Variants in ADCY2 observed in about 807,000 individuals in gnomAD.
ADCY2 encodes adenylate cyclase 2.
ADCY2 carries 31 observed loss-of-function variants against 125.2 expected under a neutral mutation model. The ratio of observed to expected loss-of-function variants is 0.25; its 90% CI spans 0.19 to 0.33. The LOEUF (loss-of-function observed/expected upper bound fraction) is 0.33, where lower values mean the gene tolerates loss of function less well. Among genes scored for constraint, ADCY2 ranks in the 10% least tolerant of loss-of-function variants. The probability of loss-of-function intolerance (pLI) is 1.00; values close to 1 mark genes in which losing one functional copy is unlikely to be tolerated. For synonymous variants in ADCY2, 512 were observed against 548.4 expected, an observed-to-expected ratio of 0.93 and a Z score of 0.93; for missense variants, 904 against 1,418.2, an observed-to-expected ratio of 0.64 and a Z score of 5.82.
chr5:7,573,723 T>G (rs1283327435), intron 3 of ADCY2, among the ~76,000 whole-genome samples: 2 of 151,436 alleles, frequency 1.3e-5, no homozygotes, highest in Non-Finnish European at 2.9e-5. Context: ...TGCAGTTGCC[T>G]TTTAAACTCT....
At chr5:7,663,577 G>T (rs1739611426) in intron 4 of ADCY2, among the ~76,000 whole-genome samples, 1 of 152,226 alleles carries the variant, frequency 6.6e-6, no homozygotes, top group East Asian at 1.9e-4. Flanking sequence ...AATTAAGGGT[G>T]TTTATTCCAG....
intron 3 of ADCY2, among the ~76,000 whole-genome samples, chr5:7,534,627 C>G (rs1323779223): frequency 1.3e-5 from 2 of 152,200 alleles, no homozygotes; most frequent in Non-Finnish European, 2.9e-5. Flanking sequence ...AGGTTTGAGT[C>G]TCAGCGTTGT....
chr5:7,778,406 A>G (rs906017693), intron 18 of ADCY2, among the ~76,000 whole-genome samples: 2 of 152,224 alleles, frequency 1.3e-5, no homozygotes, highest in African/African-American at 4.8e-5. Flanking sequence ...GCAGCTAACT[A>G]ACAAGGATCC....
At chr5:7,676,807 G>C (rs1028168235) in intron 4 of ADCY2, among the ~76,000 whole-genome samples, 11 of 152,166 alleles carry the variant, frequency 7.2e-5, no homozygotes, top group African/African-American at 2.4e-4. Context: ...CATACGTTTG[G>C]ACAAGAATGA....
At chr5:7,734,724 T>G (rs369082214) in intron 14 of ADCY2, among the ~76,000 whole-genome samples, 1 of 152,218 alleles carries the variant, frequency 6.6e-6, no homozygotes, top group South Asian at 2.1e-4. Context: ...ACCATTACTT[T>G]GTCTCACAGT....
In ADCY2 at chr5:7,661,062, T is replaced by A. The variant is rs1044754119; in HGVS notation, c.721-29629T>A. ...TTTCCTTATTTGTAAAGTTTTTTTT[T>A]AATTTTCTTTGGCTACTTGAAAACA... On this transcript the variant is annotated intron_variant, in intron 4 of 24. Coordinates refer to ENST00000338316, the MANE Select transcript of ADCY2 (RefSeq NM_020546.3). 6.6e-5 allele frequency among the ~76,000 whole-genome samples: 10 copies of A among 152,314 alleles called. No individual in the cohort carries two copies. The South Asian group carries it at 1.0e-3, about 16-fold the overall frequency.
intron 7 of ADCY2, among the ~76,000 whole-genome samples, chr5:7,699,299 G>A (rs866230191): frequency 2.0e-5 from 3 of 150,104 alleles, no homozygotes; most frequent in South Asian, 4.3e-4. Flanking sequence ...GGGTTTCACC[G>A]TTTTAGCCGG....
intron 2 of ADCY2, among the ~76,000 whole-genome samples, chr5:7,449,436 A>G (rs1170428171): frequency 6.6e-6 from 1 of 152,208 alleles, no homozygotes; most frequent in Non-Finnish European, 1.5e-5. Context: ...CCTCTGCCTT[A>G]CCTTTTCCTA....
At chr5:7,593,050 A>T (rs1268522017) in intron 3 of ADCY2, among the ~76,000 whole-genome samples, 1 of 152,188 alleles carries the variant, frequency 6.6e-6, no homozygotes, top group Admixed American at 6.5e-5. Context: ...TATATCTGAG[A>T]GATAAAATGC....
At chr5:7,753,328 T>C (rs891558910) in intron 15 of ADCY2, among the ~76,000 whole-genome samples, 4 of 152,186 alleles carry the variant, frequency 2.6e-5, no homozygotes, top group Admixed American at 1.3e-4. Context: ...GAGCTCACTG[T>C]AAGTAAGAGC....
chr5:7,414,203 C>T (rs1280814652), intron 1 of ADCY2, among the ~76,000 whole-genome samples: 2 of 152,124 alleles, frequency 1.3e-5, no homozygotes, highest in Admixed American at 1.3e-4. Context: ...TTTTCTAAGG[C>T]CGGGGTTTTT....
Position 7,709,453 on chromosome 5 carries a change from T to C in ADCY2, c.1578+66T>C. The C allele has an allele frequency of 1.4e-6, 2 of 1,468,636 alleles. No homozygotes were observed. The highest frequency in any genetic ancestry group is 1.8e-6 in the Non-Finnish European group (2 of 1,109,016). 91.0% of individuals were successfully genotyped at this position (1,468,636 alleles called of 1,614,324 possible). On this transcript the variant is annotated intron_variant, in intron 10 of 24. Transcript: ENST00000338316. This position sits in a 1 kb window ranked among gnomAD's most constrained non-coding sequence, Gnocchi z 4.4. ...AAGCTAACTTCCCAAAACCAAAGGC[T>C]GGGCATCTCCTGCCAAAATAACTCC...
At chr5:7,664,272 T>TC (rs1739636349) in intron 4 of ADCY2, among the ~76,000 whole-genome samples, 1 of 152,236 alleles carries the variant, frequency 6.6e-6, no homozygotes, top group Non-Finnish European at 1.5e-5. Context: ...GATTTTTTTT[T>TC]CTCTCAGCTG....
intron 2 of ADCY2, among the ~76,000 whole-genome samples, chr5:7,482,087 A>G (rs1235785773): frequency 1.3e-5 from 2 of 152,204 alleles, no homozygotes; most frequent in African/African-American, 2.4e-5. Flanking sequence ...CTCCTGACTC[A>G]GAAATGGTAT....
At chr5:7,559,933 T>C (rs10073375) in intron 3 of ADCY2, among the ~76,000 whole-genome samples, 34,173 of 152,122 alleles carry the variant, frequency 0.22, 4,692 homozygotes, top group African/African-American at 0.37. Context: ...CCCAAGGAGA[T>C]AGATTTTAGA....
At chr5:7,663,701 G>A (rs574591633) in intron 4 of ADCY2, among the ~76,000 whole-genome samples, 2 of 152,190 alleles carry the variant, frequency 1.3e-5, no homozygotes, top group Admixed American at 6.5e-5. Context: ...TAGATGGACC[G>A]CTGCATGAGG....
intron 19 of ADCY2, among the ~76,000 whole-genome samples, chr5:7,787,546 T>C (rs1046842054): frequency 6.6e-6 from 1 of 152,210 alleles, no homozygotes; most frequent in African/African-American, 2.4e-5. Flanking sequence ...TAAGTCTTTT[T>C]TGAGGGGGCC....
rs1334836474 is a variant in ADCY2, at chr5:7,672,873, C to T, written c.721-17818C>T. Among the ~76,000 whole-genome samples, 8 of 151,944 alleles carry T rather than the reference C, an allele frequency of 5.3e-5. 1 individual carries two copies. Among genetic ancestry groups the T allele is most frequent in the Non-Finnish European group, 1.0e-4 (7 of 67,992 alleles). The stretch of plus-strand genomic sequence containing the variant: ...CAAGGCCTGAACTATTCACTTGCAG[C>T]CCTTTACAGGGGTGGTATGCCAGCC... On this transcript the variant is annotated intron_variant, in intron 4 of 24. Transcript: ENST00000338316.
chr5:7,681,458 C>T (rs868634765), intron 4 of ADCY2, among the ~76,000 whole-genome samples: 5 of 152,206 alleles, frequency 3.3e-5, no homozygotes, highest in African/African-American at 4.8e-5. Flanking sequence ...TGCCTCAGTG[C>T]GAGAGTGTCC....
Sources: allele counts gnomAD v4.1 joint callset (sites outside exome capture counted in the v4.1 genomes callset), GRCh38; gene constraint gnomAD v4.1.1; non-coding constraint Gnocchi (gnomAD v3.1); transcripts MANE v1.5; gene names NCBI Gene and HGNC (gene_info 2026-07-23, HGNC 2026-07-21).